SLC35F4: variants seen among roughly 807,000 people sequenced by gnomAD.
SLC35F4 encodes the protein chromosome 14 open reading frame 36.
A neutral mutation model predicts 44.2 loss-of-function variants in SLC35F4; 24 were observed. The ratio of observed to expected loss-of-function variants is 0.54; its 90% CI spans 0.39 to 0.76. SLC35F4 has a LOEUF of 0.76. Ranked by LOEUF, SLC35F4 falls within the 30% of genes least tolerant of loss-of-function variation. The pLI is 0.00. For synonymous variants in SLC35F4, 238 were observed against 223.6 expected (o/e 1.06, Z -0.57); for missense variants, 562 against 586.1 (o/e 0.96, Z 0.42).
intron 1 of SLC35F4, among the ~76,000 whole-genome samples, chr14:57,594,860 A>T (rs1428330896): frequency 2.0e-5 from 3 of 152,066 alleles, no homozygotes; most frequent in Non-Finnish European, 2.9e-5. Flanking sequence ...ACCAGCCAAC[A>T]CCCCAAGAAT....
chr14:57,673,501 A>G (rs1270054744), intron 1 of SLC35F4, among the ~76,000 whole-genome samples: 2 of 152,116 alleles, frequency 1.3e-5, no homozygotes, highest in Non-Finnish European at 2.9e-5. Flanking sequence ...TGCATATGTA[A>G]TAAGATGGAG....
At position 57,900,368 on chromosome 14, in the gene SLC35F4, G is replaced by A. The variant is rs548045839; in HGVS notation, n.282+81545C>T. On this transcript the variant is annotated intron_variant and non_coding_transcript_variant, in intron 1 of 1. Coordinates refer to the SLC35F4 transcript ENST00000556568. ...CCCTGAACCAATCACTGGAGTCAGA[G>A]GGTGGAGTGATACACCAATTTGTTT... 5.9e-5 allele frequency among the ~76,000 whole-genome samples: 9 copies of A among 152,278 alleles called. No individual in the cohort carries two copies. In the South Asian group the frequency reaches 1.5e-3, roughly 25 times the overall value.
intron 1 of SLC35F4, among the ~76,000 whole-genome samples, chr14:57,644,433 T>C (rs1180485596): frequency 6.6e-6 from 1 of 150,728 alleles, no homozygotes; most frequent in Non-Finnish European, 1.5e-5. Context: ...GAAGTGTCTG[T>C]TCATATCCTT....
intron 1 of SLC35F4, among the ~76,000 whole-genome samples, chr14:57,964,521 C>G (rs1890397763): frequency 6.6e-6 from 1 of 152,172 alleles, no homozygotes; most frequent in Admixed American, 6.5e-5. Flanking sequence ...CTAAACAAGT[C>G]AACGGACATT....
intron 1 of SLC35F4, among the ~76,000 whole-genome samples, chr14:57,620,647 T>A (rs924021261): frequency 2.0e-5 from 3 of 152,198 alleles, no homozygotes; most frequent in East Asian, 3.9e-4. Context: ...CAGTATGGTA[T>A]TGGCTGTGGG....
At chr14:57,618,296 C>A (rs552581766) in intron 1 of SLC35F4, among the ~76,000 whole-genome samples, 1 of 152,210 alleles carries the variant, frequency 6.6e-6, no homozygotes, top group Admixed American at 6.5e-5. Context: ...GCAAGACTGA[C>A]GCAGAAGGTG....
intron 1 of SLC35F4, among the ~76,000 whole-genome samples, chr14:57,599,053 T>C (rs138324779): frequency 5.9e-4 from 90 of 152,376 alleles, no homozygotes; most frequent in African/African-American, 2.1e-3. Context: ...CTTTCCTTGC[T>C]GAAATTAAAG....
intron 1 of SLC35F4, among the ~76,000 whole-genome samples, chr14:57,808,727 G>A (rs2140879020): frequency 6.6e-6 from 1 of 152,300 alleles, no homozygotes; most frequent in Admixed American, 6.5e-5. Flanking sequence ...GATCCCTTGA[G>A]TCCAGGAGGT....
intron 1 of SLC35F4, among the ~76,000 whole-genome samples, chr14:57,811,412 G>T (rs911932027): frequency 2.6e-5 from 4 of 152,134 alleles, no homozygotes; most frequent in African/African-American, 9.7e-5. Flanking sequence ...ATATCAGGAG[G>T]CCTAAAACAA....
chr14:57,871,267 C>G (rs951368528), intron 1 of SLC35F4, among the ~76,000 whole-genome samples: 4 of 152,182 alleles, frequency 2.6e-5, no homozygotes, highest in African/African-American at 4.8e-5. Flanking sequence ...GACTGAAGAT[C>G]AGACCTCCTT....
rs559523017 is a variant in SLC35F4, at chr14:57,755,052, G to A, written c.103+110671C>T. 2.6e-5 allele frequency among the ~76,000 whole-genome samples: 4 copies of A among 152,322 alleles called. No homozygotes were observed. In the South Asian group the frequency reaches 8.3e-4, roughly 32 times the overall value. On this transcript the variant is annotated intron_variant, in intron 1 of 7. Transcript: ENST00000556826. Reference sequence around the variant, plus strand: ...TGGTGTGGAATGGTTCAGCACAGGGGAGACGTGAAAGCTCTCTAGCCAGCC... The same window carrying A: ...TGGTGTGGAATGGTTCAGCACAGGGAAGACGTGAAAGCTCTCTAGCCAGCC...
chr14:57,861,303 G>A (rs1244840994), intron 1 of SLC35F4, among the ~76,000 whole-genome samples: 1 of 151,986 alleles, frequency 6.6e-6, no homozygotes, highest in Non-Finnish European at 1.5e-5. Flanking sequence ...TCCCAAACGG[G>A]CCCCACACAC....
At chr14:57,568,196 G>C (rs539660945) in intron 6 of SLC35F4, among the ~76,000 whole-genome samples, 2 of 152,350 alleles carry the variant, frequency 1.3e-5, no homozygotes, top group African/African-American at 4.8e-5. Context: ...GCTTGGCACT[G>C]TACCCAGTGG....
chr14:57,818,663 G>T (rs1882861527), intron 1 of SLC35F4, among the ~76,000 whole-genome samples: 1 of 152,116 alleles, frequency 6.6e-6, no homozygotes, highest in South Asian at 2.1e-4. Context: ...ATAAACAAAG[G>T]CTCAGACCTC....
chr14:57,905,538 T>C (rs1889090595), intron 1 of SLC35F4, among the ~76,000 whole-genome samples: 1 of 152,236 alleles, frequency 6.6e-6, no homozygotes, highest in Admixed American at 6.5e-5. Context: ...ATTCTGCCTG[T>C]AACAGTGTTT....
chr14:57,711,197 C>G (rs555131363), intron 1 of SLC35F4, among the ~76,000 whole-genome samples: 27 of 152,206 alleles, frequency 1.8e-4, no homozygotes, highest in African/African-American at 6.0e-4. Context: ...GTTTTATAAG[C>G]ATCTGGCATT....
chr14:57,934,060 T>C (rs1889751278), intron 1 of SLC35F4, among the ~76,000 whole-genome samples: 1 of 152,128 alleles, frequency 6.6e-6, no homozygotes, highest in Non-Finnish European at 1.5e-5. Flanking sequence ...AAAGGTCATG[T>C]CCTTTTTTCT....
intron 3 of SLC35F4, among the ~76,000 whole-genome samples, chr14:57,586,092 A>G (rs927400512): frequency 6.6e-6 from 1 of 152,234 alleles, no homozygotes; most frequent in South Asian, 2.1e-4. Context: ...ACAAGGCTAC[A>G]GTAACCAAAA....
chr14:57,696,860 C>G (rs2075396893), intron 1 of SLC35F4, among the ~76,000 whole-genome samples: 3 of 152,098 alleles, frequency 2.0e-5, no homozygotes, highest in African/African-American at 7.2e-5. Flanking sequence ...TAAGTGGGAA[C>G]TGAACAATGA....
Sources: gnomAD v4.1 joint callset for allele counts (sites outside exome capture counted in the v4.1 genomes callset) on GRCh38, gnomAD v4.1.1 for gene constraint, MANE v1.5 for transcripts, NCBI Gene and HGNC (gene_info 2026-07-23, HGNC 2026-07-21) for gene names.